TEX2: variants seen among roughly 807,000 people sequenced by gnomAD.
The protein encoded by TEX2 is testis-expressed protein 2.
Under a neutral mutation model 106.9 loss-of-function variants are expected in TEX2, and 53 were observed. The observed-to-expected ratio is 0.50, with a 90% CI of 0.40 to 0.62. TEX2 has a LOEUF of 0.62. Ranked by LOEUF, TEX2 falls within the 20% of genes least tolerant of loss-of-function variation. The pLI is 0.00. For synonymous variants in TEX2, 523 were observed against 534.8 expected (o/e 0.98, Z 0.30); for missense variants, 1,207 against 1,379.0 (o/e 0.88, Z 1.98).
intron 7 of TEX2, among the ~76,000 whole-genome samples, chr17:64,166,269 T>C (rs1325777616): frequency 6.6e-6 from 1 of 152,256 alleles, no homozygotes; most frequent in African/African-American, 2.4e-5. Context: ...ACTGCATCTC[T>C]ACCACACCCA....
chr17:64,186,715 G>A (rs115343747), intron 5 of TEX2, among the ~76,000 whole-genome samples: 1,671 of 152,228 alleles, frequency 0.011, 30 homozygotes, highest in African/African-American at 0.038. Context: ...TACTTGGGAG[G>A]CTGAGCCCAG....
At chr17:64,188,490 G>C (rs1598157610) in intron 4 of TEX2, 75 bp from the exon 5 acceptor site, 1 of 1,596,692 alleles carries the variant, frequency 6.3e-7, no homozygotes, top group Non-Finnish European at 8.5e-7. Context: ...CCTGAGAAAA[G>C]CAGCTACAAT....
chr17:64,244,081 A>G (rs1804338334), intron 1 of TEX2, among the ~76,000 whole-genome samples: 1 of 152,108 alleles, frequency 6.6e-6, no homozygotes, highest in Admixed American at 6.5e-5. Flanking sequence ...TGCTGGGATT[A>G]CAAGTGTGAA....
At chr17:64,183,816 A>G (rs1004390142) in intron 5 of TEX2, among the ~76,000 whole-genome samples, 7 of 152,114 alleles carry the variant, frequency 4.6e-5, no homozygotes, top group African/African-American at 1.7e-4. Flanking sequence ...TATTTGGTAG[A>G]GATGGAGTTT....
Position 64,212,568 on chromosome 17 carries a change from G to GCTTA in TEX2, c.1644+2_1644+5dup. On this transcript the variant is annotated splice_donor_region_variant and intron_variant, in intron 2 of 11. Coordinates refer to ENST00000584379, the MANE Select transcript of TEX2 (RefSeq NM_001288732.2). ...TGTACTAGCCAGCTCCCGGGGAGAG[G>GCTTA]CTTACCTTCAGTATTTCAGGTTCTT... The GCTTA allele has an allele frequency of 6.2e-7, 1 of 1,610,206 alleles. No homozygotes were observed. The highest frequency in any genetic ancestry group is 1.3e-5 in the African/African-American group (1 of 74,916).
chr17:64,190,022 A>C, intron 4 of TEX2, among the ~76,000 whole-genome samples: 1 of 152,042 alleles, frequency 6.6e-6, no homozygotes, highest in East Asian at 1.9e-4. Context: ...AAAGAAATCA[A>C]AAAATCAAAT....
At chr17:64,234,097 T>C (rs1239167580) in intron 1 of TEX2, among the ~76,000 whole-genome samples, 2 of 152,078 alleles carry the variant, frequency 1.3e-5, no homozygotes, top group African/African-American at 2.4e-5. Context: ...GCAAGTGGAA[T>C]AAAAAAGAAA....
At chr17:64,176,207 G>T (rs1242513622) in intron 6 of TEX2, among the ~76,000 whole-genome samples, 1 of 152,160 alleles carries the variant, frequency 6.6e-6, no homozygotes, top group African/African-American at 2.4e-5. Flanking sequence ...TCAGGAGCTG[G>T]GGAAGAAGGG....
chr17:64,206,075 C>G (rs1381310127), intron 2 of TEX2, among the ~76,000 whole-genome samples: 2 of 152,172 alleles, frequency 1.3e-5, no homozygotes, highest in Non-Finnish European at 2.9e-5. Context: ...TAAAAATAAT[C>G]CTGGGCAAGG....
intron 2 of TEX2, among the ~76,000 whole-genome samples, chr17:64,204,894 C>A (rs1555630588): frequency 6.6e-6 from 1 of 152,176 alleles, no homozygotes; most frequent in African/African-American, 2.4e-5. Context: ...GAGTGAAAAA[C>A]TGGCAAAATG....
At chr17:64,225,505 T>G (rs2033479191) in intron 1 of TEX2, among the ~76,000 whole-genome samples, 1 of 152,130 alleles carries the variant, frequency 6.6e-6, no homozygotes, top group African/African-American at 2.4e-5. Context: ...TATTTAAATC[T>G]TAAAAAGAAA....
intron 1 of TEX2, among the ~76,000 whole-genome samples, chr17:64,228,775 C>T (rs1275515899): frequency 6.6e-6 from 1 of 152,126 alleles, no homozygotes; most frequent in African/African-American, 2.4e-5. Flanking sequence ...CTTTCATAGG[C>T]ATTTTGTGTG....
intron 2 of TEX2, among the ~76,000 whole-genome samples, chr17:64,206,012 C>T (rs1598177385): frequency 6.6e-6 from 1 of 152,136 alleles, no homozygotes; most frequent in Non-Finnish European, 1.5e-5. Context: ...CTTCAGGAAG[C>T]TTTTCATTAT....
In TEX2 at chr17:64,244,887, C is replaced by T. The variant is rs548702795; in HGVS notation, c.-26+18281G>A. Among the ~76,000 whole-genome samples, 8 of 152,300 alleles carry T rather than the reference C, an allele frequency of 5.3e-5. No individual in the cohort carries two copies. In the East Asian group the frequency reaches 1.5e-3, roughly 29 times the overall value. ...CTGGCTGCTGGACCTGTTGTGATCA[C>T]ATATCTGTTTCTACAAGCCACAGAA... is the stretch of plus-strand genomic sequence containing the variant. On this transcript the variant is annotated intron_variant, in intron 1 of 11. Transcript: ENST00000584379.
intron 5 of TEX2, among the ~76,000 whole-genome samples, chr17:64,187,209 T>C (rs1375461344): frequency 6.6e-6 from 1 of 152,204 alleles, no homozygotes; most frequent in Admixed American, 6.5e-5. Context: ...CCTAAGTCCG[T>C]GTCCGGTTAC....
At position 64,188,179 on chromosome 17, in the gene TEX2, C is replaced by A. The variant is rs751134865; in HGVS notation, c.2413G>T (p.Ala805Ser). 6.2e-7 allele frequency: 1 copy of A among 1,608,382 alleles called. No individual in the cohort carries two copies. Among genetic ancestry groups the A allele is most frequent in the East Asian group, 2.2e-5 (1 of 44,874 alleles). The change falls in exon 5 of 12, where the codon GCT becomes TCT. Residue 805 changes from alanine to serine, a missense_variant. This residue lies in a region of TEX2 where 1,067 missense variants were observed against 1,193.6 expected (regional missense o/e 0.89). Transcript: ENST00000584379. The part of the protein sequence containing the change: ...PLQSAESSPT[A>S]GKKLPEVPPS... The stretch of plus-strand genomic sequence containing the variant: ...GCAGCCAGCTTTACCTTCTTCCCAG[C>A]TGTGGGGCTGCTCTCCGCACTCTGC...
chr17:64,196,982 ATTTTTTTTTTT>A (rs59960456), intron 2 of TEX2, among the ~76,000 whole-genome samples: 3 of 63,568 alleles, frequency 4.7e-5, no homozygotes, highest in South Asian at 7.0e-4. Flanking sequence ...TCAAATCAAG[ATTTTTTTTTTT>A]TTTTTTTTTT....
Position 64,153,279 on chromosome 17 carries a change from G to T in TEX2, c.2931-125C>A. The T allele has an allele frequency of 4.3e-6, 3 of 697,050 alleles. No individual in the cohort carries two copies. Among genetic ancestry groups the T allele is most frequent in the Non-Finnish European group, 7.3e-6 (3 of 409,090 alleles). 43.2% of individuals were successfully genotyped at this position (697,050 alleles called of 1,614,324 possible). A position where few individuals can be genotyped will look rare whatever the true frequency, so the allele number is the denominator to read the frequency against. On this transcript the variant is annotated intron_variant, in intron 9 of 11. Transcript: ENST00000584379. The surrounding 1 kb of genome is among the most constrained non-coding windows in gnomAD (Gnocchi z 4.1). Reference sequence around the variant, plus strand: ...GATGTTTTGGATGTGGTGATTCTGTGTTGGGGCGGGGGGCATCCTGTGCAT... The same window carrying T: ...GATGTTTTGGATGTGGTGATTCTGTTTTGGGGCGGGGGGCATCCTGTGCAT...
intron 7 of TEX2, among the ~76,000 whole-genome samples, chr17:64,164,727 C>T (rs924560142): frequency 1.3e-5 from 2 of 152,186 alleles, no homozygotes; most frequent in Non-Finnish European, 2.9e-5. Context: ...TAAAAGTGGC[C>T]TAGGCCAGCT....
Sources: gnomAD v4.1 joint callset for allele counts (sites outside exome capture counted in the v4.1 genomes callset) on GRCh38, gnomAD v4.1.1 for gene constraint, gnomAD v4.1.1 regional missense constraint, Gnocchi (gnomAD v3.1) non-coding constraint, MANE v1.5 for transcripts, NCBI Gene and HGNC (gene_info 2026-07-23, HGNC 2026-07-21) for gene names.